Variants in PCP4 observed in about 807,000 individuals in gnomAD.
PCP4 encodes Purkinje cell protein 4.
Under a neutral mutation model 10.0 loss-of-function variants are expected in PCP4, and 8 were observed. The observed-to-expected ratio is 0.80, with a 90% confidence interval of 0.47 to 1.45. The LOEUF (loss-of-function observed/expected upper bound fraction) is 1.45, where lower values mean the gene tolerates loss of function less well. Among genes scored for constraint, PCP4 ranks in the 40% most tolerant of loss-of-function variants. PCP4 has a pLI of 0.00. For missense variants in PCP4, 54 were observed against 74.4 expected (o/e 0.73, Z 1.01); for synonymous variants, 21 against 23.0 (o/e 0.91, Z 0.24).
intron 1 of PCP4, among the ~76,000 whole-genome samples, chr21:39,867,835 G>T (rs2087301606): frequency 2.0e-5 from 3 of 152,170 alleles, no homozygotes; most frequent in African/African-American, 7.2e-5. Context: ...GCGTGTCTTT[G>T]CATGATTCCC....
At position 39,875,867 on chromosome 21, in the gene PCP4, T is replaced by C. The variant is rs549475124; in HGVS notation, c.9+8357T>C. Among the ~76,000 whole-genome samples the C allele has an allele frequency of 2.0e-5, 3 of 152,142 alleles. No individual in the cohort carries two copies. In the East Asian group the frequency reaches 5.8e-4, roughly 29 times the overall value. Reference sequence around the variant, plus strand: ...TAAGAGTTAATCATTAAAGGAAGGGTAAGGAAATCTGTAATTCCAATAGAC... The same window carrying C: ...TAAGAGTTAATCATTAAAGGAAGGGCAAGGAAATCTGTAATTCCAATAGAC... On this transcript the variant is annotated intron_variant, in intron 1 of 2. Coordinates refer to ENST00000328619, the MANE Select transcript of PCP4 (RefSeq NM_006198.3).
At chr21:39,909,781 C>T (rs2087530474) in intron 2 of PCP4, among the ~76,000 whole-genome samples, 1 of 140,850 alleles carries the variant, frequency 7.1e-6, no homozygotes, top group African/African-American at 2.7e-5. Context: ...AAAATTTCTT[C>T]CTTCCTTTCT....
chr21:39,883,226 G>A (rs2087384367), intron 1 of PCP4, among the ~76,000 whole-genome samples: 1 of 152,196 alleles, frequency 6.6e-6, no homozygotes, highest in Non-Finnish European at 1.5e-5. Flanking sequence ...GCCAAGGGTG[G>A]CTTGGTGGGG....
At chr21:39,923,567 A>C (rs2026269) in intron 2 of PCP4, among the ~76,000 whole-genome samples, 136,085 of 152,194 alleles carry the variant, frequency 0.89, 61,032 homozygotes, top group Middle Eastern at 0.95. Flanking sequence ...TTAGTCTAAA[A>C]TGCTGCTCCC....
intron 1 of PCP4, among the ~76,000 whole-genome samples, chr21:39,880,095 G>T (rs2087365233): frequency 6.7e-6 from 1 of 150,274 alleles, no homozygotes; most frequent in African/African-American, 2.5e-5. Flanking sequence ...AATGTCTGGA[G>T]ATATCTATAT....
intron 1 of PCP4, among the ~76,000 whole-genome samples, chr21:39,885,421 C>T (rs1703225813): frequency 6.6e-6 from 1 of 152,206 alleles, no homozygotes; most frequent in African/African-American, 2.4e-5. Context: ...GTCCCTCTGC[C>T]AGGCGCTGCC....
At chr21:39,882,335 C>T (rs2087379848) in intron 1 of PCP4, among the ~76,000 whole-genome samples, 1 of 152,170 alleles carries the variant, frequency 6.6e-6, no homozygotes, top group Non-Finnish European at 1.5e-5. Flanking sequence ...TGGATGACTG[C>T]TTAGGGACTG....
At chr21:39,913,137 A>G (rs1159992257) in intron 2 of PCP4, among the ~76,000 whole-genome samples, 1 of 152,138 alleles carries the variant, frequency 6.6e-6, no homozygotes, top group Non-Finnish European at 1.5e-5. Flanking sequence ...ATAAGAACTC[A>G]TCTTCCTGAT....
At chr21:39,899,582 G>T (rs531994363) in intron 2 of PCP4, among the ~76,000 whole-genome samples, 2 of 152,208 alleles carry the variant, frequency 1.3e-5, no homozygotes, top group Non-Finnish European at 2.9e-5. Context: ...ATTGGGCAGG[G>T]TGAGTGCAGT....
intron 2 of PCP4, among the ~76,000 whole-genome samples, chr21:39,903,761 G>A (rs981979158): frequency 1.3e-5 from 2 of 151,354 alleles, no homozygotes; most frequent in Non-Finnish European, 2.9e-5. Flanking sequence ...CCAGCTACTC[G>A]GGAGGCTGAG....
chr21:39,911,443 A>G (rs748964568), intron 2 of PCP4, among the ~76,000 whole-genome samples: 1 of 151,980 alleles, frequency 6.6e-6, no homozygotes, highest in Non-Finnish European at 1.5e-5. Flanking sequence ...GGTGTAGACA[A>G]CAGTGGTCCA....
chr21:39,894,545 TAACATATTAAGCTATATTGATATCTA>T (rs1249331828), intron 1 of PCP4, among the ~76,000 whole-genome samples: 2 of 152,202 alleles, frequency 1.3e-5, no homozygotes, highest in Non-Finnish European at 2.9e-5. Context: ...CTGCATAACC[TAACATATTAAGCTATATTGATATCTA>T]AACTGAATGA....
At chr21:39,922,595 A>G (rs2079145730) in intron 2 of PCP4, among the ~76,000 whole-genome samples, 1 of 152,084 alleles carries the variant, frequency 6.6e-6, no homozygotes, top group Non-Finnish European at 1.5e-5. Flanking sequence ...CTCAGGGAGC[A>G]TCATTTCTTC....
chr21:39,919,145 C>CTT (rs1167285517), intron 2 of PCP4, among the ~76,000 whole-genome samples: 1 of 152,174 alleles, frequency 6.6e-6, no homozygotes, highest in Non-Finnish European at 1.5e-5. Context: ...GCTTTCTCTG[C>CTT]CTCAAGGGCA....
chr21:39,918,480 G>A (rs190382780), intron 2 of PCP4, among the ~76,000 whole-genome samples: 7 of 152,260 alleles, frequency 4.6e-5, no homozygotes, highest in Admixed American at 6.5e-5. Flanking sequence ...TTGAACAATC[G>A]AAGACTGTGG....
chr21:39,927,357 C>A (rs112772477), intron 2 of PCP4, among the ~76,000 whole-genome samples: 85,032 of 140,202 alleles, frequency 0.61, 25,232 homozygotes, highest in Admixed American at 0.64. Flanking sequence ...ATCTATCTAT[C>A]TATCTATCTA....
At chr21:39,902,106 A>T (rs2087484700) in intron 2 of PCP4, among the ~76,000 whole-genome samples, 1 of 152,148 alleles carries the variant, frequency 6.6e-6, no homozygotes, top group African/African-American at 2.4e-5. Flanking sequence ...TATTATGTTA[A>T]TGTATATTTC....
At chr21:39,905,253 G>GAA (rs56194710) in intron 2 of PCP4, among the ~76,000 whole-genome samples, 10 of 147,948 alleles carry the variant, frequency 6.8e-5, no homozygotes, top group South Asian at 2.1e-4. Flanking sequence ...GAAGAAATCA[G>GAA]AAAAAAAAAA....
intron 1 of PCP4, among the ~76,000 whole-genome samples, chr21:39,890,900 TG>T (rs199967999): frequency 2.6e-5 from 4 of 151,894 alleles, no homozygotes; most frequent in African/African-American, 4.8e-5. Flanking sequence ...TTGAGTTTTT[TG>T]TTTTCAAAGG....
Sources: allele counts gnomAD v4.1 joint callset (sites outside exome capture counted in the v4.1 genomes callset), GRCh38; gene constraint gnomAD v4.1.1; transcripts MANE v1.5; gene names NCBI Gene and HGNC (gene_info 2026-07-23, HGNC 2026-07-21).